DOCK8: variants seen among roughly 807,000 people sequenced by gnomAD.
The protein encoded by DOCK8 is dedicator of cytokinesis protein 8.
In DOCK8, 141 loss-of-function variants were observed where a neutral mutation model predicts 245.6. That is an observed-to-expected ratio of 0.57 (90% CI 0.50 to 0.66). The LOEUF (loss-of-function observed/expected upper bound fraction) is 0.66. DOCK8 is among the 30% of genes least tolerant of loss of function. The pLI is 0.00. For synonymous variants in DOCK8, 1,168 were observed against 970.2 expected, an observed-to-expected ratio of 1.20 and a Z score of -3.79; for missense variants, 2,965 against 2,603.4, an observed-to-expected ratio of 1.14 and a Z score of -3.02.
intron 24 of DOCK8, among the ~76,000 whole-genome samples, chr9:393,779 A>C (rs1586886293): frequency 6.6e-6 from 1 of 152,186 alleles, no homozygotes; most frequent in Admixed American, 6.5e-5. Flanking sequence ...CCAGCAGCCT[A>C]AAACCTAAGT....
intron 20 of DOCK8, among the ~76,000 whole-genome samples, chr9:378,035 A>G (rs1043484468): frequency 2.0e-5 from 3 of 152,148 alleles, no homozygotes; most frequent in Non-Finnish European, 4.4e-5. Flanking sequence ...TACCATCCAT[A>G]TGCCCAGTAC....
intron 1 of DOCK8, among the ~76,000 whole-genome samples, chr9:256,887 G>A (rs2047788800): frequency 6.6e-6 from 1 of 152,234 alleles, no homozygotes; most frequent in South Asian, 2.1e-4. Context: ...ATACTTGAAA[G>A]AATAAATCAA....
intron 1 of DOCK8, among the ~76,000 whole-genome samples, chr9:219,938 C>G (rs2046846164): frequency 6.6e-6 from 1 of 152,086 alleles, no homozygotes; most frequent in Non-Finnish European, 1.5e-5. Context: ...GCATAACGAC[C>G]AGAGCACAAT....
intron 28 of DOCK8, among the ~76,000 whole-genome samples, chr9:409,029 G>A (rs919017287): frequency 6.6e-6 from 1 of 152,106 alleles, no homozygotes; most frequent in African/African-American, 2.4e-5. Context: ...TAGATACACT[G>A]TCACAACTTC....
intron 16 of DOCK8, 99 bp from the exon 17 acceptor site, chr9:371,329 A>C: frequency 6.9e-7 from 1 of 1,443,984 alleles, no homozygotes. Flanking sequence ...GCAAAACACC[A>C]GGCAAATTCT....
At chr9:363,413 A>C (rs367674443) in intron 14 of DOCK8, among the ~76,000 whole-genome samples, 1 of 152,228 alleles carries the variant, frequency 6.6e-6, no homozygotes, top group Non-Finnish European at 1.5e-5. Context: ...GAGCCTGTTT[A>C]TCCGTTCGTT....
intron 30 of DOCK8, among the ~76,000 whole-genome samples, chr9:418,720 A>C (rs999622438): frequency 1.3e-5 from 2 of 152,218 alleles, no homozygotes; most frequent in East Asian, 3.9e-4. Flanking sequence ...TGCAGATCAA[A>C]TTCAGGCAGT....
chr9:337,859 G>T (rs57461992), intron 12 of DOCK8, among the ~76,000 whole-genome samples: 1 of 152,102 alleles, frequency 6.6e-6, no homozygotes, highest in Non-Finnish European at 1.5e-5. Context: ...TGTGCACTTA[G>T]AAACAGGTAA....
intron 2 of DOCK8, among the ~76,000 whole-genome samples, chr9:284,834 C>T (rs1021809683): frequency 7.2e-5 from 11 of 152,026 alleles, no homozygotes; most frequent in Non-Finnish European, 8.8e-5. Flanking sequence ...TGCAAACTAA[C>T]GCAGAAATAG....
chr9:332,073 A>G (rs188422652), intron 9 of DOCK8, among the ~76,000 whole-genome samples: 3 of 152,334 alleles, frequency 2.0e-5, no homozygotes, highest in African/African-American at 7.2e-5. Flanking sequence ...TACATAATAC[A>G]TGTTTATTGT....
intron 23 of DOCK8, among the ~76,000 whole-genome samples, chr9:388,716 G>T (rs1175955559): frequency 7.9e-5 from 12 of 151,954 alleles, no homozygotes; most frequent in Non-Finnish European, 1.8e-4. Context: ...CACCACATCT[G>T]GCTAATTTTT....
chr9:270,362 A>C (rs1283691695), intron 1 of DOCK8, among the ~76,000 whole-genome samples: 5 of 152,154 alleles, frequency 3.3e-5, no homozygotes, highest in African/African-American at 1.2e-4. Context: ...GGAAAGAGAG[A>C]CACTTGTCCT....
chr9:402,803 C>T (rs1444462221), intron 26 of DOCK8, among the ~76,000 whole-genome samples: 1 of 152,184 alleles, frequency 6.6e-6, no homozygotes, highest in Non-Finnish European at 1.5e-5. Context: ...TGGGTAGGGG[C>T]ATTGTGGGTC....
intron 14 of DOCK8, among the ~76,000 whole-genome samples, chr9:341,214 G>C (rs533850797): frequency 1.3e-5 from 2 of 149,262 alleles, no homozygotes; most frequent in South Asian, 4.1e-4. Context: ...TCAAGTAACT[G>C]TATGTGTCTA....
Position 317,061 on chromosome 9 carries a change from C to A in DOCK8, c.760C>A (p.Arg254Ser). The change falls in exon 7 of 48, where the codon CGT becomes AGT. Residue 254 changes from arginine to serine, a missense_variant. Around this residue, in one of 3 missense-constraint regions of DOCK8, gnomAD observed 2,825 missense variants for 2,453.5 expected, o/e 1.15. Transcript: ENST00000432829. ...SVDEEDAVEI[R>S]PVPECPKEHL... Reference sequence around the variant, plus strand: ...AAAATAGGAGGATGCTGTGGAAATACGTCCAGTACCAGAATGTCCCAAGGA... The same window carrying A: ...AAAATAGGAGGATGCTGTGGAAATAAGTCCAGTACCAGAATGTCCCAAGGA... 3 of 1,613,524 alleles carry A rather than the reference C, an allele frequency of 1.9e-6. No individual in the cohort carries two copies. Among genetic ancestry groups the A allele is most frequent in the Non-Finnish European group, 2.5e-6 (3 of 1,179,450 alleles).
intron 21 of DOCK8, among the ~76,000 whole-genome samples, chr9:381,881 A>C (rs567493582): frequency 6.6e-6 from 1 of 151,852 alleles, no homozygotes; most frequent in Non-Finnish European, 1.5e-5. Flanking sequence ...GATTGCTTGA[A>C]CCTGGGAGGC....
chr9:375,657 A>C (rs1266884660), intron 18 of DOCK8, among the ~76,000 whole-genome samples: 1 of 152,208 alleles, frequency 6.6e-6, no homozygotes, highest in Non-Finnish European at 1.5e-5. Flanking sequence ...GCATGAGAAC[A>C]GAACACTAAG....
At chr9:214,233 C>T, upstream of DOCK8, 1 of 440,924 alleles carries the variant, frequency 2.3e-6, no homozygotes, top group South Asian at 2.6e-5. Flanking sequence ...CTGAAATAAA[C>T]CTGGACGCAG....
At chr9:446,250 C>T (rs2057253913) in intron 43 of DOCK8, 120 bp from the exon 44 acceptor site, 1 of 856,546 alleles carries the variant, frequency 1.2e-6, no homozygotes, top group South Asian at 1.3e-5. Flanking sequence ...GCATCTGTAG[C>T]TTTTCTGCAC....
Sources: allele counts gnomAD v4.1 joint callset (sites outside exome capture counted in the v4.1 genomes callset), GRCh38; gene constraint gnomAD v4.1.1; regional missense constraint gnomAD v4.1.1; transcripts MANE v1.5; gene names NCBI Gene and HGNC (gene_info 2026-07-23, HGNC 2026-07-21).